The following KITLG variants were observed in gnomAD, a reference collection of about 807,000 sequenced individuals.
The protein encoded by KITLG is KIT ligand.
Under a neutral mutation model 34.1 loss-of-function variants are expected in KITLG, and 13 were observed. The observed-to-expected ratio is 0.38, with a 90% CI of 0.25 to 0.61. KITLG has a LOEUF of 0.61. Among genes scored for constraint, KITLG ranks in the 20% least tolerant of loss-of-function variants. KITLG has a pLI of 0.60. For missense variants in KITLG, 292 were observed against 318.9 expected, an observed-to-expected ratio of 0.92 and a Z score of 0.64; for synonymous variants, 110 against 104.0, an observed-to-expected ratio of 1.06 and a Z score of -0.35.
intron 1 of KITLG, among the ~76,000 whole-genome samples, chr12:88,559,733 A>C (rs1227701254): frequency 6.6e-6 from 1 of 152,248 alleles, no homozygotes; most frequent in Admixed American, 6.5e-5. Flanking sequence ...AATTTTAAAA[A>C]AGACCAATTT....
intron 6 of KITLG, 84 bp downstream of exon 6, chr12:88,515,450 A>G (rs1869420886): frequency 1.2e-6 from 1 of 814,748 alleles, no homozygotes; most frequent in Non-Finnish European, 2.1e-6. Context: ...TAATAAATGT[A>G]GAAGTTTCCT....
Position 88,495,746 on chromosome 12 carries a change from G to C in KITLG, c.*1473C>G, listed in dbSNP as rs1244079596. ...TGAAAACTGTCATCTTACGGTTGTA[G>C]AACATGGCAATAATGTTATCACAAA... On this transcript the variant is annotated 3_prime_UTR_variant, in exon 10 of 10. Coordinates refer to ENST00000644744, the MANE Select transcript of KITLG (RefSeq NM_000899.5). 1 of 152,238 alleles carries C rather than the reference G, an allele frequency of 6.6e-6. No homozygotes were observed. Among genetic ancestry groups the C allele is most frequent in the East Asian group, 1.9e-4 (1 of 5,194 alleles). The allele number at this position is 152,238 out of a possible 1,614,324, so 9.4% of individuals were successfully genotyped here. A position where few individuals can be genotyped will look rare whatever the true frequency, so the allele number is the denominator to read the frequency against.
chr12:88,519,288 CTT>C (rs1387100135), intron 3 of KITLG, among the ~76,000 whole-genome samples: 2 of 151,978 alleles, frequency 1.3e-5, no homozygotes, highest in African/African-American at 4.8e-5. Flanking sequence ...AGGAGGGACT[CTT>C]GTAACAGGAG....
In KITLG at chr12:88,499,683, C is replaced by T. The variant is rs1036652300; in HGVS notation, c.*38-2502G>A. On this transcript the variant is annotated intron_variant, in intron 9 of 9. Coordinates refer to ENST00000644744, the MANE Select transcript of KITLG (RefSeq NM_000899.5). ...ATTTTCCATTTCCTGTTAATGCCAC[C>T]GCACTCTGGTAAGTCCCATAGTCTC... Among the ~76,000 whole-genome samples the T allele has an allele frequency of 3.9e-5, 6 of 152,266 alleles. No homozygotes were observed. In the East Asian group the frequency reaches 7.7e-4, roughly 20 times the overall value.
chr12:88,495,630 G>A lies in KITLG; in HGVS notation c.*1589C>T, dbSNP rs1391203977. ...GCATCTGGATTTGCTTTGAACAGAA[G>A]CTAAAATCCAAATATACTAGAAATT... On this transcript the variant is annotated 3_prime_UTR_variant, in exon 10 of 10. Transcript: ENST00000644744. 2.0e-5 allele frequency: 3 copies of A among 152,564 alleles called. No homozygotes were observed. The highest frequency in any genetic ancestry group is 2.9e-5 in the Non-Finnish European group (2 of 67,996). The allele number at this position is 152,564 out of a possible 1,614,324, so 9.5% of individuals were successfully genotyped here.
chr12:88,515,637 G>A lies in KITLG; in HGVS notation c.521-20C>T. On this transcript the variant is annotated intron_variant, in intron 5 of 9. Transcript: ENST00000644744. ...TGGAATCTAAATAGAAAGCAATAAT[G>A]TGTCAGTGTTATATGGTGATTTGTA... 1.3e-6 allele frequency: 2 copies of A among 1,549,778 alleles called. No individual in the cohort carries two copies. Among genetic ancestry groups the A allele is most frequent in the Non-Finnish European group, 8.9e-7 (1 of 1,122,658 alleles).
At position 88,494,684 on chromosome 12, in the gene KITLG, G is replaced by C. The variant is rs1868543567; in HGVS notation, c.*2535C>G. On this transcript the variant is annotated 3_prime_UTR_variant, in exon 10 of 10. Coordinates refer to ENST00000644744, the MANE Select transcript of KITLG (RefSeq NM_000899.5). Reference sequence around the variant, plus strand: ...CTAAATAGACCTGGTTTCTACCAAAGAGGTGCAAAGCTTTCAGTATCATTG... The same window carrying C: ...CTAAATAGACCTGGTTTCTACCAAACAGGTGCAAAGCTTTCAGTATCATTG... 1 of 152,356 alleles carries C rather than the reference G, an allele frequency of 6.6e-6. No homozygotes were observed. The highest frequency in any genetic ancestry group is 2.1e-4 in the South Asian group (1 of 4,826). The allele number at this position is 152,356 out of a possible 1,614,324, so 9.4% of individuals were successfully genotyped here.
chr12:88,500,140 G>T (rs562442787), intron 9 of KITLG, among the ~76,000 whole-genome samples: 3 of 152,280 alleles, frequency 2.0e-5, no homozygotes, highest in South Asian at 4.1e-4. Context: ...TGTCCAAACT[G>T]ACCCTTGAAC....
intron 6 of KITLG, among the ~76,000 whole-genome samples, chr12:88,514,926 A>T (rs1450174261): frequency 6.6e-6 from 1 of 151,736 alleles, no homozygotes; most frequent in Admixed American, 6.6e-5. Context: ...TAAACTTTAT[A>T]ATGACCTTTG....
chr12:88,532,339 T>C, intron 3 of KITLG, 102 bp downstream of exon 3: 1 of 885,430 alleles, frequency 1.1e-6, no homozygotes, highest in Non-Finnish European at 1.8e-6. Context: ...ATCCTGACAA[T>C]AAGCAAGCTC....
chr12:88,557,184 A>G (rs537146415), intron 1 of KITLG, among the ~76,000 whole-genome samples: 1 of 152,296 alleles, frequency 6.6e-6, no homozygotes, highest in South Asian at 2.1e-4. Flanking sequence ...TGGCCTAGGA[A>G]TAGGGAACAA....
intron 3 of KITLG, among the ~76,000 whole-genome samples, chr12:88,528,682 A>G (rs1178195404): frequency 1.3e-5 from 2 of 152,228 alleles, no homozygotes; most frequent in African/African-American, 4.8e-5. Flanking sequence ...TCAGTATACA[A>G]CTTATTCAAG....
intron 1 of KITLG, among the ~76,000 whole-genome samples, chr12:88,556,940 G>A (rs1871116580): frequency 6.6e-6 from 1 of 152,172 alleles, no homozygotes; most frequent in South Asian, 2.1e-4. Flanking sequence ...CTTAATGAGG[G>A]CAGTTGCCAT....
chr12:88,563,758 C>T (rs1871362996), intron 1 of KITLG, among the ~76,000 whole-genome samples: 1 of 152,074 alleles, frequency 6.6e-6, no homozygotes, highest in African/African-American at 2.4e-5. Flanking sequence ...GTCAGGAGTT[C>T]GAGACCAGCC....
In KITLG at chr12:88,494,271, T is replaced by A. The variant is rs997506466; in HGVS notation, c.*2948A>T. The A allele has an allele frequency of 5.3e-5, 8 of 151,978 alleles. No individual in the cohort carries two copies. Among genetic ancestry groups the A allele is most frequent in the African/African-American group, 1.9e-4 (8 of 41,434 alleles). The allele number at this position is 151,978 out of a possible 1,614,324, so 9.4% of individuals were successfully genotyped here. A position where few individuals can be genotyped will look rare whatever the true frequency, so the allele number is the denominator to read the frequency against. On this transcript the variant is annotated 3_prime_UTR_variant, in exon 10 of 10. Coordinates refer to ENST00000644744, the MANE Select transcript of KITLG (RefSeq NM_000899.5). Reference sequence around the variant, plus strand: ...ATGCCTAAAAGCTCCAAACTGAAATTACATTTTGAAATGAAAACTTGGCTG... The same window carrying A: ...ATGCCTAAAAGCTCCAAACTGAAATAACATTTTGAAATGAAAACTTGGCTG...
At chr12:88,534,513 C>A (rs560099387) in intron 2 of KITLG, among the ~76,000 whole-genome samples, 1 of 151,954 alleles carries the variant, frequency 6.6e-6, no homozygotes, top group African/African-American at 2.4e-5. Context: ...ATTACAGGCA[C>A]GCACCACTAC....
chr12:88,563,280 G>A (rs1384080964), intron 1 of KITLG, among the ~76,000 whole-genome samples: 5 of 152,150 alleles, frequency 3.3e-5, no homozygotes, highest in Admixed American at 3.3e-4. Context: ...CAAAGCATTG[G>A]TTGACTCTTA....
intron 1 of KITLG, among the ~76,000 whole-genome samples, chr12:88,565,479 G>C (rs570464858): frequency 6.6e-6 from 1 of 152,200 alleles, no homozygotes; most frequent in East Asian, 1.9e-4. Context: ...ACAAAAATTA[G>C]CCGGGAGTGG....
intron 3 of KITLG, among the ~76,000 whole-genome samples, chr12:88,524,037 G>C (rs746556469): frequency 1.2e-4 from 19 of 152,330 alleles, no homozygotes; most frequent in Non-Finnish European, 2.5e-4. Flanking sequence ...AGTGAGGGCA[G>C]CAACGATGAA....
Sources: gnomAD v4.1 joint callset for allele counts (sites outside exome capture counted in the v4.1 genomes callset) on GRCh38, gnomAD v4.1.1 for gene constraint, MANE v1.5 for transcripts, NCBI Gene and HGNC (gene_info 2026-07-23, HGNC 2026-07-21) for gene names.